The following KMT2D variants were observed in gnomAD, a reference collection of about 807,000 sequenced individuals.
KMT2D encodes lysine methyltransferase 2D, also known as histone-lysine N-methyltransferase 2D.
Under a neutral mutation model 512.7 loss-of-function variants are expected in KMT2D, and 55 were observed. The observed-to-expected ratio is 0.11, with a 90% CI of 0.09 to 0.13. KMT2D has a LOEUF of 0.13. Ranked by LOEUF, KMT2D falls within the 10% of genes least tolerant of loss-of-function variation. The pLI, the probability that KMT2D is intolerant of heterozygous loss-of-function variation, is 1.00. For missense variants in KMT2D, 6,061 were observed against 7,127.9 expected (o/e 0.85, Z 5.39); for synonymous variants, 2,995 against 2,904.0 (o/e 1.03, Z -1.01).
Position 49,031,270 on chromosome 12 carries a change from C to A in KMT2D, c.13435G>T (p.Gly4479Trp), listed in dbSNP as rs745381478. ...ATCTCAGCTCGCAGCCCCTCGGACCCCCGCCCAGTGCTGAGTTGCACATTC... is the reference window on the plus strand; with the variant it reads ...ATCTCAGCTCGCAGCCCCTCGGACCACCGCCCAGTGCTGAGTTGCACATTC... The part of the protein sequence containing the change: ...AKNVQLSTGR[G>W]SEGLRAEING... The change falls in exon 40 of 55, where the codon GGG becomes TGG. Residue 4479 changes from glycine to tryptophan, a missense_variant. Gly to Trp is a radical substitution (Grantham distance 184). Coordinates refer to ENST00000301067, the MANE Select transcript of KMT2D (RefSeq NM_003482.4). 6.2e-7 allele frequency: 1 copy of A among 1,613,488 alleles called. No homozygotes were observed. Among genetic ancestry groups the A allele is most frequent in the South Asian group, 1.1e-5 (1 of 91,088 alleles).
rs1942475272 is a variant in KMT2D at position 49,024,455 on chromosome 12, AAG to A, written c.16052+121_16052+122del. The A allele has an allele frequency of 7.7e-7, 1 of 1,304,206 alleles. No individual in the cohort carries two copies. Among genetic ancestry groups the A allele is most frequent in the Non-Finnish European group, 1.0e-6 (1 of 953,412 alleles). The allele number at this position is 1,304,206 out of a possible 1,614,324, so 80.8% of individuals were successfully genotyped here. On this transcript the variant is annotated intron_variant, in intron 51 of 54. Transcript: ENST00000301067. This position sits in a 1 kb window ranked among gnomAD's most constrained non-coding sequence, Gnocchi z 4.5. The stretch of plus-strand genomic sequence containing the variant: ...TGCATGCCCTCTAATTAGGAAGTCT[AAG>A]AGTGATTCCCCATTTTCTCCACGGG...
intron 1 of KMT2D, among the ~76,000 whole-genome samples, chr12:49,058,978 C>A (rs1484246000): frequency 6.6e-6 from 1 of 152,002 alleles, no homozygotes; most frequent in Non-Finnish European, 1.5e-5. Context: ...CAGGCAGGGG[C>A]AGTTTAAAGT....
In KMT2D at chr12:49,056,198, T is replaced by G. The variant is rs189858041; in HGVS notation, c.-37-837A>C. Reference sequence around the variant, plus strand: ...CTGGGAGTTGTAGTCTCAGGAAGCATAGAGCCACTCAGAGGAGTTCTAAAC... The same window carrying G: ...CTGGGAGTTGTAGTCTCAGGAAGCAGAGAGCCACTCAGAGGAGTTCTAAAC... On this transcript the variant is annotated intron_variant, in intron 1 of 54. Coordinates refer to ENST00000301067, the MANE Select transcript of KMT2D (RefSeq NM_003482.4). 3.9e-5 allele frequency among the ~76,000 whole-genome samples: 6 copies of G among 152,264 alleles called. No homozygotes were observed. In the East Asian group the frequency reaches 9.7e-4, roughly 25 times the overall value.
At chr12:49,031,085 A>G (rs2120415292) in intron 40 of KMT2D, 52 bp from the exon 41 acceptor site, 1 of 1,611,310 alleles carries the variant, frequency 6.2e-7, no homozygotes, top group African/African-American at 1.3e-5. Flanking sequence ...CAGAGCCCTC[A>G]TCTCTTCTGT....
chr12:49,053,348 T>C, intron 7 of KMT2D, 27 bp from the exon 8 acceptor site: 1 of 1,603,434 alleles, frequency 6.2e-7, no homozygotes, highest in Non-Finnish European at 8.5e-7. Flanking sequence ...AACATTACAG[T>C]GTCCTCTCTG....
chr12:49,030,203 T>C, intron 43 of KMT2D, 77 bp downstream of exon 43: 1 of 1,320,994 alleles, frequency 7.6e-7, no homozygotes, highest in Admixed American at 2.1e-5. Context: ...CACTAATTTC[T>C]AAACTGTACA....
Position 49,044,728 on chromosome 12 carries a change from G to A in KMT2D, c.4963+16C>T, listed in dbSNP as rs2120586859. ...CTCCCCCTACTCTGCCGCTCCCTAA[G>A]ATTCCCCAAGCTAACCTTCACCCTT... On this transcript the variant is annotated intron_variant, in intron 20 of 54. Transcript: ENST00000301067. The surrounding 1 kb of genome is among the most constrained non-coding windows in gnomAD (Gnocchi z 6.4). The A allele has an allele frequency of 6.2e-7, 1 of 1,607,232 alleles. No homozygotes were observed. The highest frequency in any genetic ancestry group is 8.5e-7 in the Non-Finnish European group (1 of 1,174,340).
chr12:49,042,959 G>T lies in KMT2D; in HGVS notation c.5645-81C>A. On this transcript the variant is annotated intron_variant, in intron 26 of 54. Transcript: ENST00000301067. This position sits in a 1 kb window ranked among gnomAD's most constrained non-coding sequence, Gnocchi z 4.4. ...CAGGTCTACAAATGATCATGGCCAGGAACAGTCCAGGACTCCCCACCAGAG... is the reference window on the plus strand; with the variant it reads ...CAGGTCTACAAATGATCATGGCCAGTAACAGTCCAGGACTCCCCACCAGAG... 1 of 1,587,204 alleles carries T rather than the reference G, an allele frequency of 6.3e-7. No individual in the cohort carries two copies. Among genetic ancestry groups the T allele is most frequent in the East Asian group, 2.2e-5 (1 of 44,624 alleles).
rs755489693 is a variant in KMT2D, at chr12:49,054,364, C to T, written c.453G>A (p.Gly151=). ...WCAAWSAGVW[G]QEGPELCGVD... ...CACCACATAGTTCTGGGCCCTCCTG[C>T]CCCCATACGCCTGCCGACCATGCAG... Residue 151 remains glycine, a synonymous_variant, in exon 5 of 55, where the codon GGG becomes GGA. Coordinates refer to ENST00000301067, the MANE Select transcript of KMT2D (RefSeq NM_003482.4). This position sits in a 1 kb window ranked among gnomAD's most constrained non-coding sequence, Gnocchi z 6.4. 1.3e-6 allele frequency: 2 copies of T among 1,597,072 alleles called. No individual in the cohort carries two copies. Among genetic ancestry groups the T allele is most frequent in the South Asian group, 1.1e-5 (1 of 88,148 alleles).
chr12:49,060,755 G>A lies in KMT2D; in HGVS notation c.-1180C>T, dbSNP rs991603107. Among the ~76,000 whole-genome samples the A allele has an allele frequency of 2.6e-5, 4 of 152,244 alleles. No individual in the cohort carries two copies. Among genetic ancestry groups the A allele is most frequent in the African/African-American group, 7.2e-5 (3 of 41,470 alleles). On this transcript the variant is annotated 5_prime_UTR_variant, in exon 1 of 55. Transcript: ENST00000301067. Reference sequence around the variant, plus strand: ...GCACCCCACTCGAGAGGGGGAGAAAGGAGAAGAGGCGGCCCTATTTTGTGT... The same window carrying A: ...GCACCCCACTCGAGAGGGGGAGAAAAGAGAAGAGGCGGCCCTATTTTGTGT...
rs747101567 is a variant in KMT2D at position 49,051,722 on chromosome 12, G to A, written c.1961C>T (p.Ser654Phe). Residue 654 changes from serine (S) to phenylalanine (F), a missense_variant, in exon 11 of 55, where the codon TCC becomes TTC. Coordinates refer to ENST00000301067, the MANE Select transcript of KMT2D (RefSeq NM_003482.4). ...MSPPPEVSRLSPLPVVSRLSP... is the reference protein window; with the variant it reads ...MSPPPEVSRLFPLPVVSRLSP... Reference sequence around the variant, plus strand: ...CAGGCGTGACACCACAGGCAGGGGGGATAGGCGCGATACCTCAGGTGGGGG... The same window carrying A: ...CAGGCGTGACACCACAGGCAGGGGGAATAGGCGCGATACCTCAGGTGGGGG... 1.9e-5 allele frequency: 28 copies of A among 1,459,164 alleles called. No homozygotes were observed. 90.4% of individuals were successfully genotyped at this position (1,459,164 alleles called of 1,614,324 possible). A position where few individuals can be genotyped will look rare whatever the true frequency, so the allele number is the denominator to read the frequency against.
intron 25 of KMT2D, 38 bp from the exon 26 acceptor site, chr12:49,043,224 G>A (rs762810498): frequency 1.9e-6 from 3 of 1,584,472 alleles, no homozygotes; most frequent in South Asian, 2.2e-5. Context: ...TCAAGGCCAG[G>A]ATGGGTCATG....
chr12:49,054,263 C>T lies in KMT2D; in HGVS notation c.510+44G>A, dbSNP rs770976326. 3.9e-6 allele frequency: 6 copies of T among 1,547,048 alleles called. No homozygotes were observed. The highest frequency in any genetic ancestry group is 1.8e-4 in the Middle Eastern group (1 of 5,418). Reference sequence around the variant, plus strand: ...TTCCAACCTGACTCTCAGAAGCCCACCAGCCCTGCCCTTCACCTATGCAAT... The same window carrying T: ...TTCCAACCTGACTCTCAGAAGCCCATCAGCCCTGCCCTTCACCTATGCAAT... On this transcript the variant is annotated intron_variant, in intron 5 of 54. Transcript: ENST00000301067. The surrounding 1 kb of genome is among the most constrained non-coding windows in gnomAD (Gnocchi z 6.4).
chr12:49,050,857 A>G (rs1336479116), intron 11 of KMT2D, 29 bp downstream of exon 11: 2 of 1,548,100 alleles, frequency 1.3e-6, no homozygotes, highest in Non-Finnish European at 1.7e-6. Context: ...CAGCTGTTCC[A>G]GAATAACAGA....
Position 49,042,042 on chromosome 12 carries a change from C to A in KMT2D, c.6109+47G>T. On this transcript the variant is annotated intron_variant, in intron 29 of 54. Transcript: ENST00000301067. The surrounding 1 kb of genome is among the most constrained non-coding windows in gnomAD (Gnocchi z 4.4). ...GAAGACTTGGCAGGCGACTCCTCCA[C>A]CTGCCATGTTGCCAGGCTGTCTCCC... 6.2e-7 allele frequency: 1 copy of A among 1,612,174 alleles called. No individual in the cohort carries two copies.
At position 49,022,183 on chromosome 12, in the gene KMT2D, G is replaced by A. The variant is rs1209860566; in HGVS notation, c.16413-32C>T. The A allele has an allele frequency of 1.2e-6, 2 of 1,607,160 alleles. No homozygotes were observed. Among genetic ancestry groups the A allele is most frequent in the South Asian group, 2.2e-5 (2 of 90,948 alleles). On this transcript the variant is annotated intron_variant, in intron 53 of 54. Coordinates refer to ENST00000301067, the MANE Select transcript of KMT2D (RefSeq NM_003482.4). This position sits in a 1 kb window ranked among gnomAD's most constrained non-coding sequence, Gnocchi z 8.6. The stretch of plus-strand genomic sequence containing the variant: ...AGTGGGACAGAGTCAGGGATGTCAG[G>A]CAACTAACTTGGGACAATTTTGATT...
chr12:49,033,030 T>G lies in KMT2D; in HGVS notation c.11675A>C (p.Gln3892Pro). ...SHSGQPKLSA[Q>P]PMGSLQQLQQ... ...AAGCTGCTGTAAAGAGCCCATGGGC[T>G]GAGCGCTCAGTTTGGGCTGCCCACT... Residue 3892 changes from glutamine (Q) to proline (P), a missense_variant, in exon 40 of 55, where the codon CAG becomes CCG. By Grantham distance (76) the Gln-to-Pro change is moderately conservative. Coordinates refer to ENST00000301067, the MANE Select transcript of KMT2D (RefSeq NM_003482.4). 6.4e-7 allele frequency: 1 copy of G among 1,551,522 alleles called. No individual in the cohort carries two copies. The highest frequency in any genetic ancestry group is 8.7e-7 in the Non-Finnish European group (1 of 1,146,954).
rs1287530860 is a variant in KMT2D at position 49,030,452 on chromosome 12, G to C, written c.13840-13C>G. 1.9e-6 allele frequency: 1 copy of C among 526,544 alleles called. No individual in the cohort carries two copies. Among genetic ancestry groups the C allele is most frequent in the Non-Finnish European group, 3.1e-6 (1 of 323,236 alleles). The allele number at this position is 526,544 out of a possible 1,614,324, so 32.6% of individuals were successfully genotyped here. ...TACTCAGGTTATTCTGAGGGGTGGG[G>C]GGTGGGGTGTTGTGTGCAAGATGGC... On this transcript the variant is annotated splice_polypyrimidine_tract_variant and intron_variant, in intron 42 of 54. Transcript: ENST00000301067.
Position 49,050,672 on chromosome 12 carries a change from C to G in KMT2D, c.2916G>C (p.Pro972=), listed in dbSNP as rs765148791. The G allele has an allele frequency of 6.2e-7, 1 of 1,613,436 alleles. No individual in the cohort carries two copies. ...GTGTCTCCAGGATGGGGGCAGCCAA[C>G]GGTGACTCAGGGTCACTGTCCCCTT... ...GAKGDSDPES[P]LAAPILETPI... is the part of the protein sequence containing the mutation. The change falls in exon 12 of 55, where the codon CCG becomes CCC. Residue 972 remains proline, a synonymous_variant. Coordinates refer to ENST00000301067, the MANE Select transcript of KMT2D (RefSeq NM_003482.4).
Sources: allele counts gnomAD v4.1 joint callset (sites outside exome capture counted in the v4.1 genomes callset), GRCh38; gene constraint gnomAD v4.1.1; non-coding constraint Gnocchi (gnomAD v3.1); transcripts MANE v1.5; gene names NCBI Gene and HGNC (gene_info 2026-07-23, HGNC 2026-07-21).